KIAA1549: variants seen among roughly 807,000 people sequenced by gnomAD.
KIAA1549 encodes KIAA1549, also known as UPF0606 protein KIAA1549.
In KIAA1549, 70 loss-of-function variants were observed where a neutral mutation model predicts 156.4. The observed-to-expected ratio is 0.45, with a 90% CI of 0.37 to 0.55. The LOEUF (loss-of-function observed/expected upper bound fraction) is 0.55, where lower values mean the gene tolerates loss of function less well. KIAA1549 is among the 20% of genes least tolerant of loss of function. The probability of loss-of-function intolerance (pLI) is 0.00; values close to 1 mark genes in which losing one functional copy is unlikely to be tolerated. For synonymous variants in KIAA1549, 1,103 were observed against 1,066.4 expected (o/e 1.03, Z -0.67); for missense variants, 2,428 against 2,540.9 (o/e 0.96, Z 0.96).
rs1809570845 is a variant in KIAA1549, at chr7:138,832,628, T to G, written c.*5278A>C. On this transcript the variant is annotated 3_prime_UTR_variant, in exon 20 of 20. Coordinates refer to ENST00000422774, the MANE Select transcript of KIAA1549 (RefSeq NM_001164665.2). ...AACTATACTGCATTAAGACATTCAT[T>G]GCTTCTGTCACTTTCTTACTGGCTC... The G allele has an allele frequency of 4.7e-6, 1 of 213,420 alleles. No homozygotes were observed. The highest frequency in any genetic ancestry group is 2.3e-5 in the African/African-American group (1 of 44,248). 13.2% of individuals were successfully genotyped at this position (213,420 alleles called of 1,614,324 possible).
chr7:138,968,056 G>A (rs927626532), intron 1 of KIAA1549, among the ~76,000 whole-genome samples: 13 of 152,176 alleles, frequency 8.5e-5, no homozygotes, highest in African/African-American at 2.9e-4. Context: ...GATGAAGCTG[G>A]AAGCCATTAT....
At chr7:138,864,138 T>C (rs1345019505) in intron 15 of KIAA1549, among the ~76,000 whole-genome samples, 7 of 152,138 alleles carry the variant, frequency 4.6e-5, no homozygotes, top group Admixed American at 4.6e-4. Flanking sequence ...TGGCGGTGAT[T>C]CCGGTGGCTG....
intron 17 of KIAA1549, among the ~76,000 whole-genome samples, chr7:138,851,401 C>T (rs918189781): frequency 6.6e-6 from 1 of 152,122 alleles, no homozygotes; most frequent in Non-Finnish European, 1.5e-5. Context: ...ACTTTTACAT[C>T]TTCCTGGACA....
chr7:138,868,354 T>C (rs1285593055), intron 14 of KIAA1549, among the ~76,000 whole-genome samples: 1 of 152,136 alleles, frequency 6.6e-6, no homozygotes, highest in Non-Finnish European at 1.5e-5. Flanking sequence ...ATAAAGCCAT[T>C]TGTAATCATG....
intron 10 of KIAA1549, 71 bp downstream of exon 10, chr7:138,894,271 G>C: frequency 6.9e-7 from 1 of 1,445,764 alleles, no homozygotes; most frequent in South Asian, 1.2e-5. Context: ...AGTATCAAGA[G>C]CCCAAACTCA....
chr7:138,931,449 T>C (rs149126692), intron 1 of KIAA1549, among the ~76,000 whole-genome samples: 1 of 152,220 alleles, frequency 6.6e-6, no homozygotes, highest in African/African-American at 2.4e-5. Flanking sequence ...GCATCTTTGA[T>C]GAACAGAAGG....
At chr7:138,906,332 T>C (rs138327892) in intron 6 of KIAA1549, among the ~76,000 whole-genome samples, 3 of 152,310 alleles carry the variant, frequency 2.0e-5, no homozygotes, top group Admixed American at 6.5e-5. Flanking sequence ...CTATGGATGA[T>C]GATGCAGGTT....
At position 138,833,131 on chromosome 7, in the gene KIAA1549, CT is replaced by C. The variant is rs1249095696; in HGVS notation, c.*4774del. 8.6e-6 allele frequency: 2 copies of C among 232,258 alleles called. No homozygotes were observed. The highest frequency in any genetic ancestry group is 1.7e-5 in the Non-Finnish European group (2 of 117,528). 14.4% of individuals were successfully genotyped at this position (232,258 alleles called of 1,614,324 possible). ...CAGGCTCTAGTACTGGCGCTGGCAC[CT>C]TGCTCCGGAGGTAGAAATGACCACG... On this transcript the variant is annotated 3_prime_UTR_variant, in exon 20 of 20. Transcript: ENST00000422774.
In KIAA1549 at chr7:138,833,275, A is replaced by C. The variant is rs1334358703; in HGVS notation, c.*4631T>G. 4.3e-6 allele frequency: 1 copy of C among 232,578 alleles called. No homozygotes were observed. Among genetic ancestry groups the C allele is most frequent in the East Asian group, 6.1e-5 (1 of 16,512 alleles). 14.4% of individuals were successfully genotyped at this position (232,578 alleles called of 1,614,324 possible). On this transcript the variant is annotated 3_prime_UTR_variant, in exon 20 of 20. Coordinates refer to ENST00000422774, the MANE Select transcript of KIAA1549 (RefSeq NM_001164665.2). Reference sequence around the variant, plus strand: ...AACGACAAATTCATTCATGTCTGAGAATCTAGTGTGAAAGGGATGAGAGAG... The same window carrying C: ...AACGACAAATTCATTCATGTCTGAGCATCTAGTGTGAAAGGGATGAGAGAG...
At chr7:138,897,016 T>C (rs964362193) in intron 9 of KIAA1549, among the ~76,000 whole-genome samples, 1 of 152,166 alleles carries the variant, frequency 6.6e-6, no homozygotes, top group Non-Finnish European at 1.5e-5. Flanking sequence ...TGAGGCTTCC[T>C]TCAATCGCCA....
intron 7 of KIAA1549, among the ~76,000 whole-genome samples, chr7:138,904,473 G>A (rs1317676514): frequency 2.6e-5 from 4 of 152,154 alleles, no homozygotes; most frequent in Non-Finnish European, 4.4e-5. Flanking sequence ...TACCCCACAT[G>A]CTCTCTCGTG....
intron 9 of KIAA1549, among the ~76,000 whole-genome samples, chr7:138,896,594 GT>G (rs376537758): frequency 0.027 from 3,819 of 143,996 alleles, 113 homozygotes; most frequent in African/African-American, 0.074. Flanking sequence ...GGGTGTGGTT[GT>G]TTTTTTTTTT....
At chr7:138,857,636 A>G (rs1810432055) in intron 16 of KIAA1549, among the ~76,000 whole-genome samples, 2 of 152,208 alleles carry the variant, frequency 1.3e-5, no homozygotes, top group Admixed American at 1.3e-4. Flanking sequence ...CAGTTTTATC[A>G]GTTTTTGCTT....
chr7:138,834,985 AC>A lies in KIAA1549; in HGVS notation c.*2920del. On this transcript the variant is annotated 3_prime_UTR_variant, in exon 20 of 20. Coordinates refer to ENST00000422774, the MANE Select transcript of KIAA1549 (RefSeq NM_001164665.2). The stretch of plus-strand genomic sequence containing the variant: ...AAAGTAGTCTCTGAAAAAAAAAAAA[AC>A]AACATTTCTCCAAACATTCTGACTC... The A allele has an allele frequency of 4.4e-6, 1 of 228,338 alleles. No individual in the cohort carries two copies. Among genetic ancestry groups the A allele is most frequent in the African/African-American group, 2.2e-5 (1 of 45,014 alleles). 14.1% of individuals were successfully genotyped at this position (228,338 alleles called of 1,614,324 possible).
rs1440220155 is a variant in KIAA1549 at position 138,868,140 on chromosome 7, AAG to A, written c.4776-14_4776-13del. 4 of 1,610,090 alleles carry A rather than the reference AAG, an allele frequency of 2.5e-6. No homozygotes were observed. In the Admixed American group the frequency reaches 5.0e-5, roughly 20 times the overall value. On this transcript the variant is annotated splice_polypyrimidine_tract_variant and intron_variant, in intron 14 of 19. Transcript: ENST00000422774. ...GTTTTATCCGTGAGCTGCCAGGAAAAAGAGAAATTATCTTCGTAGGAAATCAC... is the reference window on the plus strand; with the variant it reads ...GTTTTATCCGTGAGCTGCCAGGAAAAAGAAATTATCTTCGTAGGAAATCAC...
At chr7:138,927,906 T>G (rs1344615282) in intron 1 of KIAA1549, among the ~76,000 whole-genome samples, 1 of 151,878 alleles carries the variant, frequency 6.6e-6, no homozygotes, top group Non-Finnish European at 1.5e-5. Context: ...TCATGTTGCC[T>G]CTGCTATTGT....
At chr7:138,875,121 T>TC (rs1318129736) in intron 12 of KIAA1549, among the ~76,000 whole-genome samples, 2 of 152,232 alleles carry the variant, frequency 1.3e-5, no homozygotes, top group Admixed American at 6.5e-5. Context: ...TTTTGAATGT[T>TC]CCCAAGGCAA....
intron 18 of KIAA1549, 126 bp downstream of exon 18, chr7:138,844,191 G>A (rs932511760): frequency 2.8e-5 from 30 of 1,088,096 alleles, no homozygotes; most frequent in Middle Eastern, 2.1e-4. Flanking sequence ...GGATATGAGG[G>A]GAAACAGCCC....
rs1207702461 is a variant in KIAA1549 at position 138,834,089 on chromosome 7, C to A, written c.*3817G>T. ...CCTTCAAAGTCACTTCAGAAGTTGA[C>A]GTCTCCCCAAGATATTGCATTTCCA... is the stretch of plus-strand genomic sequence containing the variant. On this transcript the variant is annotated 3_prime_UTR_variant, in exon 20 of 20. Coordinates refer to ENST00000422774, the MANE Select transcript of KIAA1549 (RefSeq NM_001164665.2). 1 of 224,392 alleles carries A rather than the reference C, an allele frequency of 4.5e-6. No homozygotes were observed. The allele number at this position is 224,392 out of a possible 1,614,324, so 13.9% of individuals were successfully genotyped here. A position where few individuals can be genotyped will look rare whatever the true frequency, so the allele number is the denominator to read the frequency against.
Sources: allele counts gnomAD v4.1 joint callset (sites outside exome capture counted in the v4.1 genomes callset), GRCh38; gene constraint gnomAD v4.1.1; transcripts MANE v1.5; gene names NCBI Gene and HGNC (gene_info 2026-07-23, HGNC 2026-07-21).